EBF2: variants seen among roughly 807,000 people sequenced by gnomAD.
EBF2 encodes the protein transcription factor COE2.
A neutral mutation model predicts 72.8 loss-of-function variants in EBF2; 21 were observed. That is an observed-to-expected ratio of 0.29 (90% confidence interval 0.20 to 0.42). The LOEUF (loss-of-function observed/expected upper bound fraction) is 0.42. EBF2 is among the 10% of genes least tolerant of loss of function. The probability of loss-of-function intolerance (pLI) is 1.00; values close to 1 mark genes in which losing one functional copy is unlikely to be tolerated. For synonymous variants in EBF2, 299 were observed against 274.2 expected (o/e 1.09, Z -0.89); for missense variants, 637 against 731.2 (o/e 0.87, Z 1.49).
intron 6 of EBF2, among the ~76,000 whole-genome samples, chr8:25,916,722 G>A (rs1349359244): frequency 6.6e-6 from 1 of 152,110 alleles, no homozygotes; most frequent in Admixed American, 6.5e-5. Context: ...AAAAATGGTC[G>A]ATGGGAGTCC....
At chr8:25,953,310 C>T (rs1461953823) in intron 6 of EBF2, among the ~76,000 whole-genome samples, 1 of 152,206 alleles carries the variant, frequency 6.6e-6, no homozygotes, top group Non-Finnish European at 1.5e-5. Context: ...AACAGACACT[C>T]AGTAAATGTT....
chr8:26,037,589 C>A (rs929453955), intron 5 of EBF2, among the ~76,000 whole-genome samples: 1 of 152,174 alleles, frequency 6.6e-6, no homozygotes, highest in African/African-American at 2.4e-5. Context: ...CGCCTTGTGG[C>A]GAAAAGTCAC....
chr8:25,952,861 T>C (rs1390511054), intron 6 of EBF2, among the ~76,000 whole-genome samples: 2 of 152,262 alleles, frequency 1.3e-5, no homozygotes, highest in African/African-American at 2.4e-5. Flanking sequence ...GGTTTTTTTT[T>C]CCTCTACTTA....
At chr8:26,039,775 C>T (rs1805567066) in intron 5 of EBF2, among the ~76,000 whole-genome samples, 1 of 152,236 alleles carries the variant, frequency 6.6e-6, no homozygotes, top group Admixed American at 6.5e-5. Context: ...TGGAGACTTT[C>T]CACGTAGCCG....
At chr8:26,004,922 G>C (rs956074545) in intron 6 of EBF2, among the ~76,000 whole-genome samples, 1 of 151,580 alleles carries the variant, frequency 6.6e-6, no homozygotes, top group Admixed American at 6.6e-5. Flanking sequence ...CTAAAGAATA[G>C]AACAGAATTA....
At position 25,844,504 on chromosome 8, in the gene EBF2, G is replaced by A. The variant is rs1022705016; in HGVS notation, c.*105C>T. On this transcript the variant is annotated 3_prime_UTR_variant, in exon 16 of 16. Coordinates refer to ENST00000520164, the MANE Select transcript of EBF2 (RefSeq NM_022659.4). ...TTGCAGACCCAAGGGTGTCCATCATGTTCATGTGGGGGCACCACTACACCC... is the reference window on the plus strand; with the variant it reads ...TTGCAGACCCAAGGGTGTCCATCATATTCATGTGGGGGCACCACTACACCC... 6 of 1,323,996 alleles carry A rather than the reference G, an allele frequency of 4.5e-6. No homozygotes were observed. The highest frequency in any genetic ancestry group is 2.9e-5 in the African/African-American group (2 of 69,060). 82.0% of individuals were successfully genotyped at this position (1,323,996 alleles called of 1,614,324 possible).
chr8:25,853,140 G>C (rs931115056), intron 14 of EBF2, among the ~76,000 whole-genome samples: 12 of 152,028 alleles, frequency 7.9e-5, no homozygotes, highest in Admixed American at 6.6e-5. Flanking sequence ...AATCTAAGTA[G>C]ATTAAAGACA....
intron 7 of EBF2, among the ~76,000 whole-genome samples, chr8:25,901,437 AAAAGTT>A (rs1051328431): frequency 2.4e-5 from 3 of 122,548 alleles, no homozygotes; most frequent in Non-Finnish European, 5.6e-5. Flanking sequence ...AAAAAAAAAA[AAAAGTT>A]AATGATTTTT....
intron 5 of EBF2, among the ~76,000 whole-genome samples, chr8:26,037,950 CCAA>C (rs1805531638): frequency 6.6e-6 from 1 of 152,176 alleles, no homozygotes; most frequent in Admixed American, 6.5e-5. Context: ...CCCAGGTATG[CCAA>C]ATAACACTAT....
chr8:25,994,581 A>G (rs2117213322), intron 6 of EBF2, among the ~76,000 whole-genome samples: 1 of 152,356 alleles, frequency 6.6e-6, no homozygotes, highest in Admixed American at 6.5e-5. Context: ...GGTGGTACAT[A>G]TACACTATGG....
rs768097516 is a variant in EBF2 at position 25,858,326 on chromosome 8, A to G, written c.1521T>C (p.Pro507=). The G allele has an allele frequency of 1.2e-6, 2 of 1,614,160 alleles. No individual in the cohort carries two copies. The highest frequency in any genetic ancestry group is 2.2e-5 in the East Asian group (1 of 44,882). ...GATGGAGAGGTCACTTACTTCCATA[A>G]GGAGAGCCGGTGGGTGAGCCATTTA... ...GFLNGSPTGS[P]YGIMSSSPTV... is the part of the protein sequence containing the mutation. The change falls in exon 14 of 16, where the codon CCT becomes CCC. Residue 507 remains proline, a synonymous_variant. Transcript: ENST00000520164.
At chr8:25,906,944 T>A (rs559017929) in intron 7 of EBF2, among the ~76,000 whole-genome samples, 59 of 151,740 alleles carry the variant, frequency 3.9e-4, no homozygotes, top group Non-Finnish European at 6.6e-4. Context: ...ATACTACTAC[T>A]AGTTTTTTTT....
rs1015793633 is a variant in EBF2, at chr8:25,924,081, C to T, written c.552-15526G>A. Among the ~76,000 whole-genome samples the T allele has an allele frequency of 3.9e-5, 6 of 152,262 alleles. No individual in the cohort carries two copies. The South Asian group carries it at 1.0e-3, about 26-fold the overall frequency. ...TAGAGGATAAAACTTAAGAGGAAGGCACTCATGTTCAATTACAGTTTATAT... is the reference window on the plus strand; with the variant it reads ...TAGAGGATAAAACTTAAGAGGAAGGTACTCATGTTCAATTACAGTTTATAT... On this transcript the variant is annotated intron_variant, in intron 6 of 15. Coordinates refer to ENST00000520164, the MANE Select transcript of EBF2 (RefSeq NM_022659.4).
At chr8:25,994,399 T>A (rs1479382605) in intron 6 of EBF2, among the ~76,000 whole-genome samples, 1 of 152,088 alleles carries the variant, frequency 6.6e-6, no homozygotes. Flanking sequence ...CTAATAGAAA[T>A]ATAGGCTAAA....
At chr8:25,908,019 G>A (rs924590755) in intron 7 of EBF2, among the ~76,000 whole-genome samples, 1 of 152,236 alleles carries the variant, frequency 6.6e-6, no homozygotes, top group Non-Finnish European at 1.5e-5. Context: ...CGATCTTAAA[G>A]TGACCACGCT....
chr8:25,992,763 G>A (rs903728778), intron 6 of EBF2, among the ~76,000 whole-genome samples: 1 of 151,898 alleles, frequency 6.6e-6, no homozygotes, highest in Non-Finnish European at 1.5e-5. Flanking sequence ...AATTAGCAGG[G>A]CTTGGTGGCA....
chr8:25,894,574 TC>T (rs1192861187), intron 7 of EBF2, among the ~76,000 whole-genome samples: 9 of 152,014 alleles, frequency 5.9e-5, no homozygotes, highest in Admixed American at 1.3e-4. Context: ...CTTCTCGTTT[TC>T]CCCCTGGTTT....
chr8:25,868,214 T>C lies in EBF2; in HGVS notation c.1010-5417A>G, dbSNP rs528943176. Among the ~76,000 whole-genome samples, 16 of 152,368 alleles carry C rather than the reference T, an allele frequency of 1.1e-4. No individual in the cohort carries two copies. In the South Asian group the frequency reaches 2.3e-3, roughly 22 times the overall value. On this transcript the variant is annotated intron_variant, in intron 10 of 15. Coordinates refer to ENST00000520164, the MANE Select transcript of EBF2 (RefSeq NM_022659.4). ...GGTAATTGAGTACTAAACTGTTAAT[T>C]GCTTATTGTAGCCAACTGCCCTGGA...
Position 25,908,469 on chromosome 8 carries a change from C to G in EBF2, c.633+5G>C. The G allele has an allele frequency of 6.2e-7, 1 of 1,608,968 alleles. No homozygotes were observed. The highest frequency in any genetic ancestry group is 1.3e-5 in the African/African-American group (1 of 74,824). ...TTAACAGGAAAGATCTGCAGGGCCC[C>G]TTACCTGAAACCGTCTCATGTCCCT... On this transcript the variant is annotated splice_donor_5th_base_variant and intron_variant, in intron 7 of 15. Transcript: ENST00000520164.
Sources: gnomAD v4.1 joint callset for allele counts (sites outside exome capture counted in the v4.1 genomes callset) on GRCh38, gnomAD v4.1.1 for gene constraint, MANE v1.5 for transcripts, NCBI Gene and HGNC (gene_info 2026-07-23, HGNC 2026-07-21) for gene names.